RBMS3: variants seen among roughly 807,000 people sequenced by gnomAD.
RBMS3 encodes RNA-binding motif, single-stranded-interacting protein 3.
RBMS3 carries 27 observed loss-of-function variants against 66.8 expected under a neutral mutation model. The ratio of observed to expected loss-of-function variants is 0.40; its 90% CI spans 0.30 to 0.56. RBMS3 has a LOEUF of 0.56. Ranked by LOEUF, RBMS3 falls within the 20% of genes least tolerant of loss-of-function variation. The pLI is 0.40. For missense variants in RBMS3, 513 were observed against 549.5 expected (o/e 0.93, Z 0.66); for synonymous variants, 188 against 183.0 (o/e 1.03, Z -0.22).
rs74536970 is a variant in RBMS3, at chr3:29,490,283, A to G, written c.307+1784A>G. Among the ~76,000 whole-genome samples, 551 of 150,618 alleles carry G rather than the reference A, an allele frequency of 3.7e-3. 4 individuals are homozygous for G. Among genetic ancestry groups the G allele is most frequent in the African/African-American group, 0.012 (504 of 40,880 alleles). ...AAATATAAAGGGAGGGAGTGGAAAC[A>G]AAAAAAAATGTAGGCTTTAAAGCCA... is the stretch of plus-strand genomic sequence containing the variant. On this transcript the variant is annotated intron_variant, in intron 3 of 14. Coordinates refer to ENST00000383767, the MANE Select transcript of RBMS3 (RefSeq NM_001003793.3).
intron 6 of RBMS3, among the ~76,000 whole-genome samples, chr3:29,844,194 C>T (rs966713525): frequency 2.0e-5 from 3 of 152,064 alleles, no homozygotes; most frequent in African/African-American, 7.2e-5. Flanking sequence ...TGTAAAATAA[C>T]TGAACATTTT....
At chr3:29,657,691 A>G (rs1337101598) in intron 4 of RBMS3, among the ~76,000 whole-genome samples, 1 of 152,204 alleles carries the variant, frequency 6.6e-6, no homozygotes, top group Non-Finnish European at 1.5e-5. Flanking sequence ...ATATTGTGAA[A>G]TTATGGAGTG....
chr3:29,898,736 C>CGTGTGTGTGTGTGT lies in RBMS3; in HGVS notation c.889-950_889-937dup, dbSNP rs3072651. On this transcript the variant is annotated intron_variant, in intron 9 of 14. Transcript: ENST00000383767. ...TGCAGGCCTGCCTGGTTGTAATGTG[C>CGTGTGTGTGTGTGT]GTGTGTGTGTGTGTGTGTGTGTGTG... Among the ~76,000 whole-genome samples the CGTGTGTGTGTGTGT allele has an allele frequency of 3.4e-3, 485 of 142,602 alleles. 2 individuals are homozygous for CGTGTGTGTGTGTGT. Among genetic ancestry groups the CGTGTGTGTGTGTGT allele is most frequent in the African/African-American group, 0.012 (448 of 38,608 alleles). The allele number at this position is 142,602 out of a possible 152,430, so 93.6% of individuals were successfully genotyped here.
At chr3:29,606,109 G>A (rs1354620662) in intron 4 of RBMS3, among the ~76,000 whole-genome samples, 2 of 151,612 alleles carry the variant, frequency 1.3e-5, no homozygotes, top group Non-Finnish European at 2.9e-5. Flanking sequence ...CCAGTACTGT[G>A]AGGTTGCAGA....
intron 3 of RBMS3, among the ~76,000 whole-genome samples, chr3:29,570,670 G>A (rs1327197051): frequency 3.3e-5 from 5 of 151,984 alleles, no homozygotes; most frequent in Non-Finnish European, 2.9e-5. Context: ...TCTCTTTTAT[G>A]GCTGAATAGT....
At chr3:29,537,165 G>A (rs1316492244) in intron 3 of RBMS3, among the ~76,000 whole-genome samples, 4 of 151,954 alleles carry the variant, frequency 2.6e-5, no homozygotes, top group African/African-American at 4.8e-5. Context: ...TGAAAGAGAA[G>A]GTAAAAAAGG....
At chr3:29,536,944 A>G (rs1210982719) in intron 3 of RBMS3, among the ~76,000 whole-genome samples, 1 of 152,196 alleles carries the variant, frequency 6.6e-6, no homozygotes, top group Non-Finnish European at 1.5e-5. Flanking sequence ...CATTGTACTA[A>G]GACTTTACTA....
intron 4 of RBMS3, among the ~76,000 whole-genome samples, chr3:29,729,451 C>T (rs112165922): frequency 0.061 from 9,264 of 151,964 alleles, 925 homozygotes; most frequent in African/African-American, 0.21. Context: ...TAAACATACG[C>T]GTGCATGTGT....
chr3:29,880,764 CT>C (rs2059717816), intron 7 of RBMS3: 1 of 1,534,848 alleles, frequency 6.5e-7, no homozygotes, highest in Non-Finnish European at 8.7e-7. Context: ...CTCTTGTTGT[CT>C]CCTCTTGCCA....
At chr3:29,928,596 A>G (rs116493777) in intron 10 of RBMS3, among the ~76,000 whole-genome samples, 153 of 151,884 alleles carry the variant, frequency 1.0e-3, no homozygotes, top group African/African-American at 3.0e-3. Context: ...TTTTCACACA[A>G]ATAGTCTCAT....
chr3:29,481,922 A>G (rs557885007), intron 2 of RBMS3, among the ~76,000 whole-genome samples: 1 of 152,330 alleles, frequency 6.6e-6, no homozygotes, highest in Non-Finnish European at 1.5e-5. Flanking sequence ...GTTTTAATAC[A>G]TACTATTTTA....
intron 1 of RBMS3, among the ~76,000 whole-genome samples, chr3:29,421,768 C>G (rs149045822): frequency 0.016 from 2,422 of 152,202 alleles, 28 homozygotes; most frequent in Middle Eastern, 0.027. Flanking sequence ...CCAACTAAAC[C>G]TAATGTCCCA....
chr3:29,381,975 C>G (rs867790361), intron 1 of RBMS3, among the ~76,000 whole-genome samples: 20 of 152,122 alleles, frequency 1.3e-4, no homozygotes, highest in African/African-American at 4.8e-4. Context: ...CTGTCTATCT[C>G]TTTCTTTTTT....
chr3:29,801,676 C>CTTTT lies in RBMS3; in HGVS notation c.637+38687_637+38688insTTTT, dbSNP rs1404990585. ...TTTTTCTCTGCCATAAAAGGAAAAA[C>CTTTT]ATTCTAAGGCAAATTCCTTCTCACT... On this transcript the variant is annotated intron_variant, in intron 6 of 14. Transcript: ENST00000383767. Among the ~76,000 whole-genome samples, 10 of 152,200 alleles carry CTTTT rather than the reference C, an allele frequency of 6.6e-5. No individual in the cohort carries two copies. In the East Asian group the frequency reaches 1.7e-3, roughly 26 times the overall value.
chr3:29,507,830 G>A (rs2044242136), intron 3 of RBMS3, among the ~76,000 whole-genome samples: 1 of 152,076 alleles, frequency 6.6e-6, no homozygotes, highest in South Asian at 2.1e-4. Flanking sequence ...GTATAGAAGT[G>A]ATTACAAGGG....
At chr3:29,587,318 G>A (rs1343669550) in intron 4 of RBMS3, 113 bp downstream of exon 4, 11 of 513,374 alleles carry the variant, frequency 2.1e-5, no homozygotes, top group Non-Finnish European at 6.1e-6. Flanking sequence ...AAGAAGGAGA[G>A]ATTAAATATT....
At chr3:29,378,842 CA>C (rs1423026658) in intron 1 of RBMS3, among the ~76,000 whole-genome samples, 7 of 142,246 alleles carry the variant, frequency 4.9e-5, no homozygotes, top group African/African-American at 1.0e-4. Context: ...AAAATTAAAA[CA>C]AAAAAATATA....
chr3:29,713,980 G>A (rs60687256), intron 4 of RBMS3, among the ~76,000 whole-genome samples: 7,717 of 152,134 alleles, frequency 0.051, 663 homozygotes, highest in African/African-American at 0.18. Context: ...GCTTAAATTC[G>A]GGAAGCAAAG....
intron 10 of RBMS3, among the ~76,000 whole-genome samples, chr3:29,928,171 C>T (rs2060991044): frequency 7.9e-6 from 1 of 126,118 alleles, no homozygotes; most frequent in African/African-American, 3.2e-5. Flanking sequence ...GTCTGCTCCT[C>T]TTCAAATTTT....
Sources: allele counts gnomAD v4.1 joint callset (sites outside exome capture counted in the v4.1 genomes callset), GRCh38; gene constraint gnomAD v4.1.1; transcripts MANE v1.5; gene names NCBI Gene and HGNC (gene_info 2026-07-23, HGNC 2026-07-21).